Variants in TEX11 observed in about 807,000 individuals in gnomAD.
The protein encoded by TEX11 is testis expressed 11.
In TEX11, 7 loss-of-function variants were observed where a neutral mutation model predicts 84.4. That is an observed-to-expected ratio of 0.08 (90% confidence interval 0.05 to 0.16). The LOEUF (loss-of-function observed/expected upper bound fraction) is 0.16. Among genes scored for constraint, TEX11 ranks in the 10% least tolerant of loss-of-function variants. The pLI is 1.00. For synonymous variants in TEX11, 264 were observed against 222.8 expected (o/e 1.18, Z -1.64); for missense variants, 551 against 660.5 (o/e 0.83, Z 1.82).
At position 70,529,908 on chromosome X, in the gene TEX11, G is replaced by A; in HGVS notation, c.2612C>T (p.Ala871Val). The A allele has an allele frequency of 1.5e-5, 18 of 1,211,377 alleles. No individual in the cohort carries two copies. The highest frequency in any genetic ancestry group is 2.0e-5 in the Non-Finnish European group (18 of 895,323). The change falls in exon 29 of 30, where the codon GCT (alanine) becomes GTT (valine). Residue 871 changes from alanine to valine, a missense_variant. Ala to Val is a moderately conservative substitution (Grantham distance 64). Transcript: ENST00000374333. ...LMFSRSKYASAEKWCGLALRF... is the reference protein window; with the variant it reads ...LMFSRSKYASVEKWCGLALRF... ...CAAGGCCAGGCCACACCACTTTTCAGCAGATGCATACTTGCTCCTGCTAAA... is the reference window on the plus strand; with the variant it reads ...CAAGGCCAGGCCACACCACTTTTCAACAGATGCATACTTGCTCCTGCTAAA...
At chrX:70,804,613 A>T (rs1276398450) in intron 9 of TEX11, among the ~76,000 whole-genome samples, 2 of 111,834 alleles carry the variant, frequency 1.8e-5, no homozygotes, top group Non-Finnish European at 3.8e-5. Context: ...AAAGACTCAT[A>T]CTGGTGCTAT....
intron 8 of TEX11, among the ~76,000 whole-genome samples, chrX:70,826,204 G>C (rs1256205578): frequency 9.1e-6 from 1 of 109,546 alleles, no homozygotes; most frequent in Non-Finnish European, 1.9e-5. Context: ...CCAGCTACTT[G>C]GGAGGCTAAG....
intron 3 of TEX11, among the ~76,000 whole-genome samples, chrX:70,878,889 T>G (rs771798033): frequency 1.9e-3 from 215 of 112,097 alleles, no homozygotes; most frequent in Non-Finnish European, 3.2e-3. Context: ...CATGAATAGA[T>G]GAATGGACAA....
At chrX:70,630,872 A>G (rs1299514319) in intron 17 of TEX11, among the ~76,000 whole-genome samples, 4 of 112,379 alleles carry the variant, frequency 3.6e-5, no homozygotes, top group Non-Finnish European at 7.5e-5. Context: ...TGGAGTGGCT[A>G]TATTAATATC....
chrX:70,630,561 G>A (rs1367371195), intron 17 of TEX11, among the ~76,000 whole-genome samples: 2 of 110,626 alleles, frequency 1.8e-5, no homozygotes, highest in Admixed American at 9.7e-5. Context: ...GGAGATAAAT[G>A]TAATCATAAA....
At chrX:70,771,507 A>G (rs769871327) in intron 9 of TEX11, among the ~76,000 whole-genome samples, 170 of 111,462 alleles carry the variant, frequency 1.5e-3, no homozygotes, top group African/African-American at 5.5e-3. Flanking sequence ...ACTTCATTCC[A>G]TTAATCTTTT....
intron 8 of TEX11, among the ~76,000 whole-genome samples, chrX:70,813,364 T>C (rs750520999): frequency 8.9e-6 from 1 of 111,778 alleles, no homozygotes; most frequent in Admixed American, 9.5e-5. Flanking sequence ...ATTATCTCAA[T>C]AGATGCAGAA....
chrX:70,690,799 A>G (rs1210407145), intron 13 of TEX11, among the ~76,000 whole-genome samples: 1 of 111,918 alleles, frequency 8.9e-6, no homozygotes, highest in African/African-American at 3.2e-5. Context: ...ATAATTACAA[A>G]TAATGTAAAT....
intron 17 of TEX11, among the ~76,000 whole-genome samples, chrX:70,640,795 G>T (rs1292223037): frequency 1.8e-5 from 2 of 110,501 alleles, no homozygotes; most frequent in Non-Finnish European, 3.8e-5. Flanking sequence ...GGAACAACGG[G>T]TACCAGCTGC....
intron 15 of TEX11, among the ~76,000 whole-genome samples, chrX:70,671,513 T>A (rs777041449): frequency 1.7e-4 from 19 of 110,888 alleles, no homozygotes; most frequent in Non-Finnish European, 2.7e-4. Context: ...GAAGTGGATG[T>A]TTTAAGAAAA....
chrX:70,525,938 T>C (rs779721700), downstream of TEX11, among the ~76,000 whole-genome samples: 2 of 111,627 alleles, frequency 1.8e-5, no homozygotes, highest in East Asian at 5.7e-4. Flanking sequence ...ATGTGGTTTC[T>C]TTCCCTTCTC....
At chrX:70,712,055 C>T (rs1603231639) in intron 13 of TEX11, among the ~76,000 whole-genome samples, 1 of 111,241 alleles carries the variant, frequency 9.0e-6, no homozygotes, top group East Asian at 2.8e-4. Flanking sequence ...GAATCCTTTC[C>T]CCATTTCTTG....
At chrX:70,521,611 C>G in the TEX11 span, among the ~76,000 whole-genome samples, 2 of 111,473 alleles carry the variant, frequency 1.8e-5, no homozygotes, top group African/African-American at 6.5e-5. Context: ...GACGATATTA[C>G]CCCTCAGAAC....
At chrX:70,845,259 T>G (rs1160953344) in intron 7 of TEX11, among the ~76,000 whole-genome samples, 1 of 110,542 alleles carries the variant, frequency 9.0e-6, no homozygotes, top group Non-Finnish European at 1.9e-5. Flanking sequence ...TCTCCCGAAT[T>G]CAAGCGATTC....
intron 17 of TEX11, among the ~76,000 whole-genome samples, chrX:70,632,369 A>G (rs1265329369): frequency 9.0e-6 from 1 of 111,265 alleles, no homozygotes; most frequent in Non-Finnish European, 1.9e-5. Flanking sequence ...AAAACAATAG[A>G]GGCCAAGGTA....
At chrX:70,734,304 T>TA (rs2090679094) in intron 11 of TEX11, among the ~76,000 whole-genome samples, 1 of 105,121 alleles carries the variant, frequency 9.5e-6, no homozygotes, top group African/African-American at 3.8e-5. Context: ...AAAGTATAAT[T>TA]TAAAAAAAAA....
intron 21 of TEX11, 46 bp from the exon 22 acceptor site, chrX:70,609,223 T>C (rs1221804198): frequency 1.8e-6 from 2 of 1,083,472 alleles, no homozygotes; most frequent in South Asian, 2.1e-5. Flanking sequence ...TATTTTATAC[T>C]CTAGCAAAAT....
chrX:70,876,346 G>T (rs2091655515), intron 3 of TEX11, among the ~76,000 whole-genome samples: 1 of 111,521 alleles, frequency 9.0e-6, no homozygotes, highest in Non-Finnish European at 1.9e-5. Context: ...TTTCTGTGAA[G>T]TTATGTTACT....
chrX:70,642,273 A>G (rs1025959442), intron 17 of TEX11, among the ~76,000 whole-genome samples: 1 of 111,910 alleles, frequency 8.9e-6, no homozygotes, highest in African/African-American at 3.2e-5. Context: ...TGTGGCAATA[A>G]TCAATAGCTT....
Sources: gnomAD v4.1 joint callset for allele counts (sites outside exome capture counted in the v4.1 genomes callset) on GRCh38, gnomAD v4.1.1 for gene constraint, MANE v1.5 for transcripts, NCBI Gene and HGNC (gene_info 2026-07-23, HGNC 2026-07-21) for gene names.